SV2C: variants seen among roughly 807,000 people sequenced by gnomAD.
SV2C encodes the protein synaptic vesicle glycoprotein 2C.
In SV2C, 49 loss-of-function variants were observed where a neutral mutation model predicts 79.7. The observed-to-expected ratio is 0.61, with a 90% CI of 0.49 to 0.78. SV2C has a LOEUF of 0.78. Among genes scored for constraint, SV2C ranks in the 30% least tolerant of loss-of-function variants. SV2C has a pLI of 0.00. For synonymous variants in SV2C, 334 were observed against 333.2 expected, an observed-to-expected ratio of 1.00 and a Z score of -0.03; for missense variants, 833 against 912.9, an observed-to-expected ratio of 0.91 and a Z score of 1.13.
chr5:75,909,981 G>C, the SV2C span, among the ~76,000 whole-genome samples: 1 of 152,146 alleles, frequency 6.6e-6, no homozygotes, highest in Non-Finnish European at 1.5e-5. Context: ...ATGTCAACAG[G>C]ATTATTCCCT....
At chr5:76,243,022 A>T (rs1213560004) in intron 4 of SV2C, among the ~76,000 whole-genome samples, 1 of 144,868 alleles carries the variant, frequency 6.9e-6, no homozygotes, top group African/African-American at 2.7e-5. Context: ...TAAAAAAAAA[A>T]AAAAAAAAAA....
At chr5:76,208,862 G>A (rs752093692) in intron 3 of SV2C, among the ~76,000 whole-genome samples, 3 of 152,052 alleles carry the variant, frequency 2.0e-5, no homozygotes, top group Non-Finnish European at 2.9e-5. Flanking sequence ...TGCTTTTTGA[G>A]GCAGTGGTTC....
Position 76,298,948 on chromosome 5 carries a change from T to C in SV2C, c.1636+21T>C, listed in dbSNP as rs541147517. 6.8e-5 allele frequency: 109 copies of C among 1,610,514 alleles called. No homozygotes were observed. The East Asian group carries it at 2.2e-3, about 33-fold the overall frequency. On this transcript the variant is annotated intron_variant, in intron 10 of 12. Transcript: ENST00000502798. ...CACAGGTAGGTGTGCTACTTAGTAC[T>C]GCCTCTACCTGAGGCCTCTCCAAAG...
chr5:75,970,717 G>A, the SV2C span, among the ~76,000 whole-genome samples: 3 of 152,036 alleles, frequency 2.0e-5, no homozygotes, highest in Admixed American at 2.0e-4. Context: ...AGGACCAGAT[G>A]GATTCACAGC....
the SV2C span, among the ~76,000 whole-genome samples, chr5:75,952,459 C>G: frequency 6.6e-6 from 1 of 151,890 alleles, no homozygotes; most frequent in Admixed American, 6.6e-5. Flanking sequence ...GTGTCCCCTC[C>G]AAATCTCAGG....
chr5:76,145,010 C>T (rs1749375087), intron 2 of SV2C, among the ~76,000 whole-genome samples: 1 of 152,184 alleles, frequency 6.6e-6, no homozygotes, highest in Non-Finnish European at 1.5e-5. Context: ...GAGAAGAGCT[C>T]ACACAGAGCA....
chr5:75,931,994 C>T, the SV2C span, among the ~76,000 whole-genome samples: 1 of 152,184 alleles, frequency 6.6e-6, no homozygotes, highest in East Asian at 1.9e-4. Flanking sequence ...CTGATCCAGG[C>T]TCCATACAGC....
chr5:75,978,920 T>G, the SV2C span, among the ~76,000 whole-genome samples: 2 of 151,976 alleles, frequency 1.3e-5, no homozygotes, highest in Non-Finnish European at 2.9e-5. Context: ...AGGCAGGGGT[T>G]GCAGTGGGCT....
At chr5:76,186,597 C>G (rs552708928) in intron 2 of SV2C, among the ~76,000 whole-genome samples, 1 of 152,180 alleles carries the variant, frequency 6.6e-6, no homozygotes, top group African/African-American at 2.4e-5. Flanking sequence ...GAGGCTGAGG[C>G]AAGAGAATTG....
chr5:76,194,216 A>G (rs1283760989), intron 2 of SV2C, among the ~76,000 whole-genome samples: 1 of 152,222 alleles, frequency 6.6e-6, no homozygotes, highest in African/African-American at 2.4e-5. Flanking sequence ...CCAAGTCTTT[A>G]GATCACAGCA....
At chr5:75,915,075 C>G in the SV2C span, among the ~76,000 whole-genome samples, 1 of 152,160 alleles carries the variant, frequency 6.6e-6, no homozygotes, top group Non-Finnish European at 1.5e-5. Context: ...AAAGATCCCC[C>G]CATGATTCAA....
the SV2C span, among the ~76,000 whole-genome samples, chr5:76,006,676 G>T: frequency 6.6e-6 from 1 of 152,082 alleles, no homozygotes; most frequent in African/African-American, 2.4e-5. Flanking sequence ...CCTGGAGGAA[G>T]GCCTAAATCA....
At chr5:75,987,165 G>C in the SV2C span, among the ~76,000 whole-genome samples, 1 of 151,928 alleles carries the variant, frequency 6.6e-6, no homozygotes. Context: ...CATTGTTTCT[G>C]AACCAAGAGT....
At chr5:76,214,432 A>G (rs1744856571) in intron 4 of SV2C, among the ~76,000 whole-genome samples, 1 of 152,126 alleles carries the variant, frequency 6.6e-6, no homozygotes, top group Non-Finnish European at 1.5e-5. Context: ...TTCAATTACT[A>G]TAGCTTTGTA....
At chr5:76,170,793 GGCTGGGGT>G (rs1743200199) in intron 2 of SV2C, 1 of 228,830 alleles carries the variant, frequency 4.4e-6, no homozygotes, top group Non-Finnish European at 8.3e-6. Context: ...AGGCGCCGCG[GGCTGGGGT>G]CGGTGGCTTA....
At chr5:76,032,586 T>G in the SV2C span, among the ~76,000 whole-genome samples, 1 of 152,356 alleles carries the variant, frequency 6.6e-6, no homozygotes, top group East Asian at 1.9e-4. Flanking sequence ...CTCATCATTT[T>G]TTATGGCTGC....
intron 12 of SV2C, among the ~76,000 whole-genome samples, chr5:76,322,928 A>C (rs1217778658): frequency 6.6e-6 from 1 of 152,244 alleles, no homozygotes; most frequent in Admixed American, 6.5e-5. Context: ...AAAACCATAA[A>C]AACCCTAGAA....
the SV2C span, among the ~76,000 whole-genome samples, chr5:76,040,008 A>G: frequency 6.6e-6 from 1 of 152,202 alleles, no homozygotes; most frequent in Non-Finnish European, 1.5e-5. Flanking sequence ...GGCATCTTTT[A>G]TACAAAGGAC....
intron 2 of SV2C, among the ~76,000 whole-genome samples, chr5:76,159,948 G>T (rs1742849003): frequency 6.6e-6 from 1 of 151,770 alleles, no homozygotes; most frequent in Non-Finnish European, 1.5e-5. Flanking sequence ...ATCTGAAAAT[G>T]ATATTAAGGA....
Sources: allele counts gnomAD v4.1 joint callset (sites outside exome capture counted in the v4.1 genomes callset), GRCh38; gene constraint gnomAD v4.1.1; transcripts MANE v1.5; gene names NCBI Gene and HGNC (gene_info 2026-07-23, HGNC 2026-07-21).